CDH13: variants seen among roughly 807,000 people sequenced by gnomAD.
The protein encoded by CDH13 is cadherin-13.
CDH13 carries 24 observed loss-of-function variants against 63.8 expected under a neutral mutation model. The observed-to-expected ratio is 0.38, with a 90% CI of 0.27 to 0.53. CDH13 has a LOEUF of 0.53. CDH13 is among the 20% of genes least tolerant of loss of function. The pLI, the probability that CDH13 is intolerant of heterozygous loss-of-function variation, is 0.85. For missense variants in CDH13, 1,049 were observed against 903.1 expected (o/e 1.16, Z -2.07); for synonymous variants, 503 against 355.3 (o/e 1.42, Z -4.67).
chr16:83,735,220 C>T (rs555328575), intron 10 of CDH13: 15 of 152,222 alleles, frequency 9.9e-5, no homozygotes, highest in African/African-American at 2.9e-4. Context: ...CAGCTTATGC[C>T]CTGCATTTAT....
chr16:83,076,536 A>G (rs181546557), intron 3 of CDH13, among the ~76,000 whole-genome samples: 1 of 152,298 alleles, frequency 6.6e-6, no homozygotes, highest in East Asian at 1.9e-4. Context: ...CATAAAGTTG[A>G]AAGAATTTTA....
At chr16:83,310,670 A>G (rs924347123) in intron 5 of CDH13, among the ~76,000 whole-genome samples, 4 of 152,254 alleles carry the variant, frequency 2.6e-5, no homozygotes, top group South Asian at 4.1e-4. Flanking sequence ...CATTCCATCA[A>G]AATGAACCCT....
At chr16:83,249,277 G>A (rs982010522) in intron 5 of CDH13, among the ~76,000 whole-genome samples, 10 of 152,270 alleles carry the variant, frequency 6.6e-5, no homozygotes, top group Non-Finnish European at 1.0e-4. Context: ...ACCAGCTTTC[G>A]TGAGACCGTT....
At chr16:82,839,073 A>C (rs377417885) in intron 1 of CDH13, among the ~76,000 whole-genome samples, 2 of 152,242 alleles carry the variant, frequency 1.3e-5, no homozygotes, top group East Asian at 1.9e-4. Flanking sequence ...AAAACTGACA[A>C]TAGGCTAAGA....
chr16:82,734,274 G>C (rs532927382), intron 1 of CDH13, among the ~76,000 whole-genome samples: 1 of 152,292 alleles, frequency 6.6e-6, no homozygotes, highest in African/African-American at 2.4e-5. Flanking sequence ...TTAAGCAGTT[G>C]CAATCCTGTG....
rs1178859456 is a variant in CDH13, at chr16:83,003,404, T to TAATTAAGTGGG, written c.158-28606_158-28605insAATTAAGTGGG. On this transcript the variant is annotated intron_variant, in intron 2 of 13. Transcript: ENST00000567109. ...CTTAAGTGGGTTTTTTTTTTTAATT[T>TAATTAAGTGGG]TCTATCTCAAAAATCCAGGCTCATA... is the stretch of plus-strand genomic sequence containing the variant. 7.4e-4 allele frequency among the ~76,000 whole-genome samples: 113 copies of TAATTAAGTGGG among 152,254 alleles called. 1 individual carries two copies. In the East Asian group the frequency reaches 0.021, roughly 29 times the overall value.
At chr16:83,447,600 C>T (rs1224008563) in intron 6 of CDH13, among the ~76,000 whole-genome samples, 1 of 151,898 alleles carries the variant, frequency 6.6e-6, no homozygotes, top group African/African-American at 2.4e-5. Context: ...GAGTTTCACA[C>T]CTGTGTACAG....
At chr16:82,631,738 G>A (rs755111262) in intron 1 of CDH13, among the ~76,000 whole-genome samples, 4 of 152,210 alleles carry the variant, frequency 2.6e-5, no homozygotes, top group Non-Finnish European at 5.9e-5. Flanking sequence ...GAGTTAGGGT[G>A]GAAAGTCATC....
intron 7 of CDH13, among the ~76,000 whole-genome samples, chr16:83,553,315 G>A (rs1200118092): frequency 2.0e-5 from 3 of 152,126 alleles, no homozygotes; most frequent in Admixed American, 6.5e-5. Context: ...AAGGAATCTA[G>A]TTTCATTGTA....
At chr16:83,096,469 G>T (rs536937888) in intron 3 of CDH13, among the ~76,000 whole-genome samples, 2 of 152,164 alleles carry the variant, frequency 1.3e-5, no homozygotes, top group Non-Finnish European at 2.9e-5. Flanking sequence ...CTAAAGGATT[G>T]CTCACAAAAA....
chr16:82,707,677 C>G (rs1377213725), intron 1 of CDH13, among the ~76,000 whole-genome samples: 1 of 152,166 alleles, frequency 6.6e-6, no homozygotes, highest in Non-Finnish European at 1.5e-5. Flanking sequence ...TTTGGTAACA[C>G]CCGTTGCCCT....
chr16:82,791,772 G>T (rs2036318124), intron 1 of CDH13, among the ~76,000 whole-genome samples: 1 of 152,188 alleles, frequency 6.6e-6, no homozygotes, highest in African/African-American at 2.4e-5. Context: ...TCCTAACTGG[G>T]CTGAACACTA....
chr16:82,637,779 G>A (rs1316021972), intron 1 of CDH13: 2 of 152,162 alleles, frequency 1.3e-5, no homozygotes, highest in Admixed American at 6.6e-5. Flanking sequence ...TGAGTTTAAG[G>A]AACTGACCCA....
intron 2 of CDH13, among the ~76,000 whole-genome samples, chr16:82,880,061 A>G (rs1334760998): frequency 6.7e-6 from 1 of 149,888 alleles, no homozygotes; most frequent in Non-Finnish European, 1.5e-5. Flanking sequence ...TATATATACT[A>G]TTTATGTAAT....
chr16:82,694,725 A>G (rs1262504855), intron 1 of CDH13, among the ~76,000 whole-genome samples: 1 of 152,212 alleles, frequency 6.6e-6, no homozygotes, highest in East Asian at 1.9e-4. Context: ...CACCAGTATG[A>G]TTCACCCAAT....
intron 6 of CDH13, among the ~76,000 whole-genome samples, chr16:83,409,659 C>A (rs2092098383): frequency 6.6e-6 from 1 of 152,190 alleles, no homozygotes; most frequent in African/African-American, 2.4e-5. Flanking sequence ...TAGCCTATTT[C>A]CCTCTTCAAA....
In CDH13 at chr16:83,229,206, CA is replaced by C. The variant is rs369356638; in HGVS notation, c.636+11711del. ...GATAAGATTTATTTGAGCAAGTCAA[CA>C]ATAACATTCAAATTGTCATGAAATA... On this transcript the variant is annotated intron_variant, in intron 5 of 13. Coordinates refer to ENST00000567109, the MANE Select transcript of CDH13 (RefSeq NM_001257.5). Among the ~76,000 whole-genome samples, 13 of 152,212 alleles carry C rather than the reference CA, an allele frequency of 8.5e-5. No individual in the cohort carries two copies. In the East Asian group the frequency reaches 2.3e-3, roughly 27 times the overall value.
chr16:82,726,683 C>G (rs1293665481), intron 1 of CDH13, among the ~76,000 whole-genome samples: 3 of 152,214 alleles, frequency 2.0e-5, no homozygotes, highest in Non-Finnish European at 2.9e-5. Context: ...AAATCAGAGA[C>G]TTCCTATGTT....
At position 82,644,365 on chromosome 16, in the gene CDH13, AC is replaced by A. The variant is rs998114772; in HGVS notation, c.45+17234del. On this transcript the variant is annotated intron_variant, in intron 1 of 13. Coordinates refer to ENST00000567109, the MANE Select transcript of CDH13 (RefSeq NM_001257.5). This position sits in a 1 kb window ranked among gnomAD's most constrained non-coding sequence, Gnocchi z 5.7. ...TGCGTCTCCCTCTGTGCTCTCCATCACCCCCCTACGGAGTTCCTTTGATTCT... is the reference window on the plus strand; with the variant it reads ...TGCGTCTCCCTCTGTGCTCTCCATCACCCCCTACGGAGTTCCTTTGATTCT... Among the ~76,000 whole-genome samples the A allele has an allele frequency of 1.3e-4, 19 of 150,662 alleles. No homozygotes were observed. Among genetic ancestry groups the A allele is most frequent in the African/African-American group, 1.7e-4 (7 of 40,878 alleles).
Sources: allele counts gnomAD v4.1 joint callset (sites outside exome capture counted in the v4.1 genomes callset), GRCh38; gene constraint gnomAD v4.1.1; non-coding constraint Gnocchi (gnomAD v3.1); transcripts MANE v1.5; gene names NCBI Gene and HGNC (gene_info 2026-07-23, HGNC 2026-07-21).